OSBPL1A: variants seen among roughly 807,000 people sequenced by gnomAD.
OSBPL1A encodes the protein oxysterol binding protein like 1A.
OSBPL1A carries 80 observed loss-of-function variants against 137.1 expected under a neutral mutation model. The observed-to-expected ratio is 0.58, with a 90% CI of 0.49 to 0.70. The LOEUF (loss-of-function observed/expected upper bound fraction) is 0.70. Among genes scored for constraint, OSBPL1A ranks in the 30% least tolerant of loss-of-function variants. The probability of loss-of-function intolerance (pLI) is 0.00; values close to 1 mark genes in which losing one functional copy is unlikely to be tolerated. For missense variants in OSBPL1A, 970 were observed against 1,129.4 expected (o/e 0.86, Z 2.02); for synonymous variants, 365 against 389.7 (o/e 0.94, Z 0.75).
intron 23 of OSBPL1A, among the ~76,000 whole-genome samples, chr18:24,170,806 C>T: frequency 6.6e-6 from 1 of 152,122 alleles, no homozygotes. Context: ...GCCACTACGC[C>T]TGCCTAATTA....
intron 17 of OSBPL1A, among the ~76,000 whole-genome samples, chr18:24,215,566 A>G (rs375246943): frequency 5.3e-5 from 8 of 152,296 alleles, no homozygotes; most frequent in African/African-American, 1.9e-4. Context: ...TTTTCTGAAA[A>G]AGGAAAATTC....
At chr18:24,244,316 GAATA>G (rs1250520505) in intron 15 of OSBPL1A, among the ~76,000 whole-genome samples, 8 of 152,058 alleles carry the variant, frequency 5.3e-5, no homozygotes. Flanking sequence ...ATTACTAAAA[GAATA>G]AATAACTTCC....
At chr18:24,291,125 G>A (rs1670732352) in intron 14 of OSBPL1A, among the ~76,000 whole-genome samples, 1 of 152,090 alleles carries the variant, frequency 6.6e-6, no homozygotes, top group South Asian at 2.1e-4. Flanking sequence ...CTGAAGATGA[G>A]CTGTCCATAA....
chr18:24,232,825 G>GAT (rs1555634701), intron 16 of OSBPL1A, among the ~76,000 whole-genome samples: 1 of 4,100 alleles, frequency 2.4e-4, no homozygotes, highest in Non-Finnish European at 1.2e-3. Context: ...AAAGATGAAT[G>GAT]ATATGGCTGG....
At chr18:24,388,432 C>T (rs2144275136) in intron 1 of OSBPL1A, among the ~76,000 whole-genome samples, 2 of 152,040 alleles carry the variant, frequency 1.3e-5, no homozygotes, top group African/African-American at 2.4e-5. Context: ...CAATGCCTTA[C>T]AAAAGGTACA....
chr18:24,316,789 C>A (rs927001484), intron 11 of OSBPL1A, among the ~76,000 whole-genome samples: 1 of 152,090 alleles, frequency 6.6e-6, no homozygotes, highest in Non-Finnish European at 1.5e-5. Flanking sequence ...GTCCCTACAA[C>A]CAACAACAAT....
intron 16 of OSBPL1A, among the ~76,000 whole-genome samples, chr18:24,234,244 C>T (rs917674042): frequency 3.3e-5 from 5 of 152,088 alleles, no homozygotes; most frequent in African/African-American, 7.2e-5. Flanking sequence ...TGTTTCAATG[C>T]GCATGAATGT....
At chr18:24,241,955 A>C (rs2088708508) in intron 15 of OSBPL1A, among the ~76,000 whole-genome samples, 1 of 152,284 alleles carries the variant, frequency 6.6e-6, no homozygotes, top group South Asian at 2.1e-4. Flanking sequence ...CATAAAAAAG[A>C]ATGAGTTCAT....
chr18:24,171,589 CTG>C (rs2086288892), intron 22 of OSBPL1A, 91 bp from the exon 23 acceptor site: 1 of 982,934 alleles, frequency 1.0e-6, no homozygotes. Context: ...GCAGCAGCTA[CTG>C]TTTATGGATT....
At chr18:24,340,229 T>C (rs539079333) in intron 5 of OSBPL1A, among the ~76,000 whole-genome samples, 6 of 152,340 alleles carry the variant, frequency 3.9e-5, no homozygotes, top group African/African-American at 1.4e-4. Flanking sequence ...AGCATCAAAA[T>C]GGTTTTTGTT....
intron 1 of OSBPL1A, among the ~76,000 whole-genome samples, chr18:24,395,322 C>G (rs1406757290): frequency 6.6e-6 from 1 of 152,204 alleles, no homozygotes; most frequent in Non-Finnish European, 1.5e-5. Context: ...TGGCTGATTT[C>G]TACTTTCTGC....
chr18:24,295,741 T>G (rs1056946499), intron 14 of OSBPL1A, among the ~76,000 whole-genome samples: 6 of 152,184 alleles, frequency 3.9e-5, no homozygotes, highest in African/African-American at 1.4e-4. Flanking sequence ...ATATATAAAT[T>G]GAATAGGCCG....
rs189850720 is a variant in OSBPL1A at position 24,363,311 on chromosome 18, T to C, written c.282+3581A>G. Among the ~76,000 whole-genome samples, 344 of 152,342 alleles carry C rather than the reference T, an allele frequency of 2.3e-3. 1 individual carries two copies. The highest frequency in any genetic ancestry group is 6.8e-3 in the Middle Eastern group (2 of 294). ...GAATTCATTTCCTTGCTTTTCCCGT[T>C]GCTAGAGACTGTCCACCTTCCTTGG... On this transcript the variant is annotated intron_variant, in intron 4 of 27. Transcript: ENST00000319481.
intron 1 of OSBPL1A, among the ~76,000 whole-genome samples, chr18:24,377,913 T>C (rs1289166272): frequency 6.6e-6 from 1 of 152,014 alleles, no homozygotes; most frequent in East Asian, 1.9e-4. Flanking sequence ...AAAACAAAAT[T>C]AGAGATAAAG....
intron 1 of OSBPL1A, among the ~76,000 whole-genome samples, chr18:24,382,406 C>CA (rs58654443): frequency 0.5 from 36,860 of 74,372 alleles, 8,765 homozygotes; most frequent in East Asian, 0.84. Flanking sequence ...GACTCCGTCT[C>CA]AAAAAAAAAA....
intron 9 of OSBPL1A, 152 bp from the exon 10 acceptor site, chr18:24,317,552 A>G (rs1407653683): frequency 6.0e-6 from 4 of 670,844 alleles, no homozygotes; most frequent in African/African-American, 1.8e-5. Flanking sequence ...GAACTTAGGT[A>G]CTAAGTGCAG....
chr18:24,224,822 C>T (rs1200464017), intron 17 of OSBPL1A, among the ~76,000 whole-genome samples: 1 of 152,234 alleles, frequency 6.6e-6, no homozygotes, highest in African/African-American at 2.4e-5. Flanking sequence ...CCTCTAAGAA[C>T]ATGATTGCTA....
intron 7 of OSBPL1A, among the ~76,000 whole-genome samples, chr18:24,328,805 G>T (rs1315417236): frequency 6.6e-6 from 1 of 152,120 alleles, no homozygotes; most frequent in Non-Finnish European, 1.5e-5. Flanking sequence ...AGATTTCAAA[G>T]ACTTAGTATC....
At chr18:24,357,099 A>C (rs1396749733) in intron 4 of OSBPL1A, 1 of 152,216 alleles carries the variant, frequency 6.6e-6, no homozygotes, top group Non-Finnish European at 1.5e-5. Context: ...TAACATTGTC[A>C]ATCAAGAAAA....
Sources: gnomAD v4.1 joint callset for allele counts (sites outside exome capture counted in the v4.1 genomes callset) on GRCh38, gnomAD v4.1.1 for gene constraint, MANE v1.5 for transcripts, NCBI Gene and HGNC (gene_info 2026-07-23, HGNC 2026-07-21) for gene names.